Variants in SORCS3 observed in about 807,000 individuals in gnomAD.
SORCS3 encodes sortilin related VPS10 domain containing receptor 3, also known as VPS10 domain-containing receptor SorCS3.
A neutral mutation model predicts 146.3 loss-of-function variants in SORCS3; 57 were observed. The observed-to-expected ratio is 0.39, with a 90% CI of 0.31 to 0.49. The LOEUF (loss-of-function observed/expected upper bound fraction) is 0.49, where lower values mean the gene tolerates loss of function less well. Among genes scored for constraint, SORCS3 ranks in the 20% least tolerant of loss-of-function variants. The probability of loss-of-function intolerance (pLI) is 0.92; values close to 1 mark genes in which losing one functional copy is unlikely to be tolerated. For synonymous variants in SORCS3, 653 were observed against 618.5 expected, an observed-to-expected ratio of 1.06 and a Z score of -0.83; for missense variants, 1,341 against 1,575.5, an observed-to-expected ratio of 0.85 and a Z score of 2.52.
intron 20 of SORCS3, among the ~76,000 whole-genome samples, chr10:105,229,353 T>C (rs746920589): frequency 6.6e-6 from 1 of 152,288 alleles, no homozygotes; most frequent in East Asian, 1.9e-4. Context: ...TTATAATTGT[T>C]TTGTTTGATT....
intron 5 of SORCS3, among the ~76,000 whole-genome samples, chr10:105,083,004 G>A (rs1241997502): frequency 6.6e-6 from 1 of 152,054 alleles, no homozygotes. Context: ...CTCCCAAAGT[G>A]CTGGGATTAC....
At chr10:105,254,958 G>A (rs1156717974) in intron 23 of SORCS3, among the ~76,000 whole-genome samples, 2 of 151,974 alleles carry the variant, frequency 1.3e-5, no homozygotes, top group Non-Finnish European at 2.9e-5. Context: ...GGAGGCCGAG[G>A]TGGGCGGATC....
chr10:105,224,237 A>G (rs2056721024), intron 20 of SORCS3, among the ~76,000 whole-genome samples: 1 of 152,170 alleles, frequency 6.6e-6, no homozygotes, highest in Non-Finnish European at 1.5e-5. Flanking sequence ...TGCTCCACCT[A>G]TTCTTACCTG....
At chr10:104,702,055 G>A (rs1179350606) in intron 1 of SORCS3, among the ~76,000 whole-genome samples, 2 of 152,156 alleles carry the variant, frequency 1.3e-5, no homozygotes, top group Admixed American at 1.3e-4. Flanking sequence ...ACATGAATGG[G>A]TGGGCCTGTG....
intron 3 of SORCS3, among the ~76,000 whole-genome samples, chr10:104,927,276 A>G (rs1175155645): frequency 6.6e-6 from 1 of 152,232 alleles, no homozygotes; most frequent in Non-Finnish European, 1.5e-5. Context: ...ATGGCCACAT[A>G]CAATGCTGGT....
At chr10:105,191,688 A>C (rs2056517863) in intron 14 of SORCS3, among the ~76,000 whole-genome samples, 2 of 151,972 alleles carry the variant, frequency 1.3e-5, no homozygotes, top group Non-Finnish European at 2.9e-5. Flanking sequence ...TTCGGGAAGA[A>C]ACTGTTCCAC....
chr10:104,786,004 T>G (rs1380684671), intron 1 of SORCS3, among the ~76,000 whole-genome samples: 1 of 152,242 alleles, frequency 6.6e-6, no homozygotes, highest in Admixed American at 6.5e-5. Context: ...TAATTGCTTT[T>G]GTGAATCTAT....
chr10:104,744,451 A>G (rs2133463375), intron 1 of SORCS3, among the ~76,000 whole-genome samples: 1 of 152,320 alleles, frequency 6.6e-6, no homozygotes. Flanking sequence ...CACAGGCCAT[A>G]TGTCAGCAAT....
At chr10:104,855,137 A>G (rs574130383) in intron 2 of SORCS3, among the ~76,000 whole-genome samples, 1 of 152,154 alleles carries the variant, frequency 6.6e-6, no homozygotes, top group Non-Finnish European at 1.5e-5. Flanking sequence ...AATCAGTTGT[A>G]CATATTTATA....
At chr10:104,833,386 C>T (rs2018023539) in intron 1 of SORCS3, among the ~76,000 whole-genome samples, 1 of 152,082 alleles carries the variant, frequency 6.6e-6, no homozygotes, top group South Asian at 2.1e-4. Context: ...CCACATCAGC[C>T]TTGGTGGGGG....
chr10:105,219,904 G>A (rs2056689399), intron 19 of SORCS3, among the ~76,000 whole-genome samples: 1 of 152,126 alleles, frequency 6.6e-6, no homozygotes, highest in East Asian at 1.9e-4. Context: ...ATGTGCATGA[G>A]GGAGGAAATG....
chr10:104,685,764 A>G (rs1166576506), intron 1 of SORCS3, among the ~76,000 whole-genome samples: 1 of 152,226 alleles, frequency 6.6e-6, no homozygotes, highest in Non-Finnish European at 1.5e-5. Flanking sequence ...GTGCAGGACT[A>G]TCATGTGCAT....
chr10:104,825,589 T>C (rs1224062728), intron 1 of SORCS3, among the ~76,000 whole-genome samples: 1 of 152,110 alleles, frequency 6.6e-6, no homozygotes, highest in Non-Finnish European at 1.5e-5. Flanking sequence ...GGTGGTTGGA[T>C]GGATGGAGTA....
chr10:104,988,653 C>G (rs979210282), intron 4 of SORCS3, among the ~76,000 whole-genome samples: 12 of 152,094 alleles, frequency 7.9e-5, no homozygotes, highest in Non-Finnish European at 1.8e-4. Flanking sequence ...CTTTTGGAGA[C>G]AACATCTTTA....
chr10:105,161,335 C>T (rs752805463), intron 11 of SORCS3, among the ~76,000 whole-genome samples: 33 of 152,230 alleles, frequency 2.2e-4, no homozygotes, highest in Admixed American at 2.6e-4. Context: ...ATAACTATGA[C>T]GTCAGCCAAT....
chr10:104,890,314 C>A (rs1321330936), intron 2 of SORCS3, among the ~76,000 whole-genome samples: 1 of 152,074 alleles, frequency 6.6e-6, no homozygotes, highest in African/African-American at 2.4e-5. Flanking sequence ...TGTTGTCCTG[C>A]AGCACACTGA....
chr10:104,980,697 G>A (rs951953204), intron 4 of SORCS3, among the ~76,000 whole-genome samples: 1 of 152,166 alleles, frequency 6.6e-6, no homozygotes, highest in Non-Finnish European at 1.5e-5. Context: ...TTTCTTTAGA[G>A]TTGGTAAGGC....
chr10:104,732,434 C>T (rs533180680), intron 1 of SORCS3, among the ~76,000 whole-genome samples: 17 of 152,154 alleles, frequency 1.1e-4, no homozygotes, highest in Non-Finnish European at 1.6e-4. Flanking sequence ...CACTCTAGGA[C>T]GACACTGCTT....
chr10:105,164,602 C>A (rs2056296941), intron 12 of SORCS3, among the ~76,000 whole-genome samples: 1 of 152,162 alleles, frequency 6.6e-6, no homozygotes, highest in East Asian at 1.9e-4. Context: ...TTTCCCAGTT[C>A]ACTTATTCTT....
Sources: allele counts gnomAD v4.1 joint callset (sites outside exome capture counted in the v4.1 genomes callset), GRCh38; gene constraint gnomAD v4.1.1; transcripts MANE v1.5; gene names NCBI Gene and HGNC (gene_info 2026-07-23, HGNC 2026-07-21).